Variants in CCNF observed in about 807,000 individuals in gnomAD.
The protein encoded by CCNF is cyclin-F.
Under a neutral mutation model 85.4 loss-of-function variants are expected in CCNF, and 30 were observed. That is an observed-to-expected ratio of 0.35 (90% CI 0.26 to 0.48). CCNF has a LOEUF of 0.48. CCNF is among the 20% of genes least tolerant of loss of function. CCNF has a pLI of 0.99. For missense variants in CCNF, 919 were observed against 1,010.4 expected (o/e 0.91, Z 1.23); for synonymous variants, 439 against 425.1 (o/e 1.03, Z -0.40).
intron 10 of CCNF, among the ~76,000 whole-genome samples, chr16:2,447,198 C>G (rs764448065): frequency 3.3e-5 from 5 of 152,168 alleles, no homozygotes; most frequent in Non-Finnish European, 4.4e-5. Flanking sequence ...CCAATTTCTT[C>G]CCCAACCACA....
chr16:2,455,513 T>C lies in CCNF; in HGVS notation c.1834T>C (p.Cys612Arg). 6.2e-7 allele frequency: 1 copy of C among 1,606,446 alleles called. No individual in the cohort carries two copies. The highest frequency in any genetic ancestry group is 8.5e-7 in the Non-Finnish European group (1 of 1,173,944). ...CTTCCTCGACTGGAGCCTGGACTGC[T>C]GCTCTGGCTATGAAGGCGACCAGGA... is the stretch of plus-strand genomic sequence containing the variant. ...GSFLDWSLDC[C>R]SGYEGDQESE... is the part of the protein sequence containing the mutation. The change falls in exon 16 of 17, where the codon TGC (cysteine) becomes CGC (arginine). Residue 612 changes from cysteine to arginine, a missense_variant. By Grantham distance (180) the Cys-to-Arg change is radical. Around this residue, in one of 3 missense-constraint regions of CCNF, gnomAD observed 505 missense variants for 514.8 expected, o/e 0.98. Coordinates refer to ENST00000397066, the MANE Select transcript of CCNF (RefSeq NM_001761.3).
intron 1 of CCNF, among the ~76,000 whole-genome samples, chr16:2,430,496 G>T (rs1048110811): frequency 2.0e-5 from 3 of 152,110 alleles, no homozygotes; most frequent in Non-Finnish European, 4.4e-5. Flanking sequence ...CAAACCTACA[G>T]GTCTAGGTTT....
In CCNF at chr16:2,456,275, C is replaced by A. The variant is rs2065427102; in HGVS notation, c.1886-270C>A. ...TGCCAGAAGCCCAGTTAGTGTGAGTCCTGTCAGTTTCCCGGTTGCTTGCTT... is the reference window on the plus strand; with the variant it reads ...TGCCAGAAGCCCAGTTAGTGTGAGTACTGTCAGTTTCCCGGTTGCTTGCTT... On this transcript the variant is annotated intron_variant, in intron 16 of 16. Transcript: ENST00000397066. This position sits in a 1 kb window ranked among gnomAD's most constrained non-coding sequence, Gnocchi z 4.5. The A allele has an allele frequency of 4.8e-6, 2 of 418,728 alleles. No individual in the cohort carries two copies. The highest frequency in any genetic ancestry group is 4.1e-5 in the Admixed American group (1 of 24,438). The allele number at this position is 418,728 out of a possible 1,614,324, so 25.9% of individuals were successfully genotyped here.
At chr16:2,437,903 T>TAAA (rs34068510) in intron 5 of CCNF, 167 bp from the exon 6 acceptor site, 830 of 409,750 alleles carry the variant, frequency 2.0e-3, no homozygotes, top group Middle Eastern at 2.8e-3. Context: ...TGTTTCCCTT[T>TAAA]AAAAAAAAAA....
At chr16:2,434,372 T>A (rs1268156600) in intron 3 of CCNF, among the ~76,000 whole-genome samples, 4 of 152,204 alleles carry the variant, frequency 2.6e-5, no homozygotes, top group Non-Finnish European at 5.9e-5. Context: ...CCCAGCACTT[T>A]GGGAGACCAA....
chr16:2,445,288 G>C (rs78671515), intron 9 of CCNF, 170 bp from the exon 10 acceptor site: 1 of 704,102 alleles, frequency 1.4e-6, no homozygotes, highest in African/African-American at 1.8e-5. Context: ...GACCCACGGA[G>C]CCTCCCGGGC....
chr16:2,443,436 A>G (rs184183907), intron 8 of CCNF, among the ~76,000 whole-genome samples: 68 of 152,120 alleles, frequency 4.5e-4, no homozygotes, highest in African/African-American at 1.6e-3. Context: ...CTGACATTTC[A>G]TTATATATCT....
chr16:2,455,356 G>T, intron 15 of CCNF, 39 bp from the exon 16 acceptor site: 1 of 1,534,678 alleles, frequency 6.5e-7, no homozygotes, highest in Non-Finnish European at 8.8e-7. Context: ...CAGCGCCGCC[G>T]TCCATGACTG....
At position 2,449,402 on chromosome 16, in the gene CCNF, T is replaced by G. The variant is rs1197241031; in HGVS notation, c.1339T>G (p.Tyr447Asp). 2 of 1,611,914 alleles carry G rather than the reference T, an allele frequency of 1.2e-6. No individual in the cohort carries two copies. ...CCTGCTGCACACCAGCCTGTCCGCC[T>G]ACGCCCCAGCCCGCCTGGCTGCCGC... is the stretch of plus-strand genomic sequence containing the variant. ...LSLLHTSLSA[Y>D]APARLAAAAL... The change falls in exon 12 of 17, where the codon TAC becomes GAC. Residue 447 changes from tyrosine (Y) to aspartate (D), a missense_variant. Tyr to Asp is a radical substitution (Grantham distance 160, BLOSUM62 -3). Around this residue, in one of 3 missense-constraint regions of CCNF, gnomAD observed 505 missense variants for 514.8 expected, o/e 0.98. Transcript: ENST00000397066.
chr16:2,429,924 C>G (rs1210368757), intron 1 of CCNF, among the ~76,000 whole-genome samples: 2 of 152,280 alleles, frequency 1.3e-5, no homozygotes, highest in East Asian at 1.9e-4. Flanking sequence ...CCAGCGGGGC[C>G]GTGGACCTAG....
chr16:2,432,879 CCT>C, intron 2 of CCNF, 80 bp from the exon 3 acceptor site: 1 of 741,838 alleles, frequency 1.3e-6, no homozygotes. Context: ...CCTACATCTG[CCT>C]CTCGTCCTCA....
intron 3 of CCNF, among the ~76,000 whole-genome samples, chr16:2,435,566 C>A (rs1356429802): frequency 6.6e-6 from 1 of 150,860 alleles, no homozygotes; most frequent in African/African-American, 2.4e-5. Flanking sequence ...GCCTGGGCAA[C>A]AGAGCAAGAC....
Position 2,456,383 on chromosome 16 carries a change from G to C in CCNF, c.1886-162G>C. On this transcript the variant is annotated intron_variant, in intron 16 of 16. Coordinates refer to ENST00000397066, the MANE Select transcript of CCNF (RefSeq NM_001761.3). This position sits in a 1 kb window ranked among gnomAD's most constrained non-coding sequence, Gnocchi z 4.5. ...TCATGGCGGGCAGCTGTCCAACTTG[G>C]AAGAGGCATGTCACCCACGCTTCTC... 1 of 481,446 alleles carries C rather than the reference G, an allele frequency of 2.1e-6. No individual in the cohort carries two copies. The highest frequency in any genetic ancestry group is 3.6e-6 in the Non-Finnish European group (1 of 277,600). 29.8% of individuals were successfully genotyped at this position (481,446 alleles called of 1,614,324 possible).
At chr16:2,433,205 G>A (rs2065271457) in intron 3 of CCNF, 138 bp downstream of exon 3, 1 of 600,694 alleles carries the variant, frequency 1.7e-6, no homozygotes, top group Admixed American at 2.6e-5. Flanking sequence ...CCTGGGGAGT[G>A]ACTGAGGGTG....
rs2065393720 is a variant in CCNF, at chr16:2,451,243, G to A, written c.1487+1328G>A. ...GCAGGCGCGCGGGGCAGGTGGCGCGGGCGGGGGCGACTCCCTTCAGGGAGC... is the reference window on the plus strand; with the variant it reads ...GCAGGCGCGCGGGGCAGGTGGCGCGAGCGGGGGCGACTCCCTTCAGGGAGC... On this transcript the variant is annotated intron_variant, in intron 13 of 16. Transcript: ENST00000397066. This position sits in a 1 kb window ranked among gnomAD's most constrained non-coding sequence, Gnocchi z 4.3. Among the ~76,000 whole-genome samples, 1 of 152,224 alleles carries A rather than the reference G, an allele frequency of 6.6e-6. No homozygotes were observed. Among genetic ancestry groups the A allele is most frequent in the South Asian group, 2.1e-4 (1 of 4,832 alleles).
At position 2,457,650 on chromosome 16, in the gene CCNF, G is replaced by T. The variant is rs755002224; in HGVS notation, c.*630G>T. ...CGTTTTAGAGCTCTGTCCCAGAGGC[G>T]TTCGTATGTGACCCACAGATGGCGT... On this transcript the variant is annotated 3_prime_UTR_variant, in exon 17 of 17. Coordinates refer to ENST00000397066, the MANE Select transcript of CCNF (RefSeq NM_001761.3). The T allele has an allele frequency of 1.3e-5, 2 of 152,276 alleles. No homozygotes were observed. Among genetic ancestry groups the T allele is most frequent in the African/African-American group, 4.8e-5 (2 of 41,446 alleles). 9.4% of individuals were successfully genotyped at this position (152,276 alleles called of 1,614,324 possible).
intron 9 of CCNF, 69 bp from the exon 10 acceptor site, chr16:2,445,389 G>T: frequency 2.6e-6 from 4 of 1,551,772 alleles, no homozygotes; most frequent in South Asian, 1.2e-5. Flanking sequence ...CAACAGGTGG[G>T]GTTGAAATCG....
intron 10 of CCNF, 56 bp downstream of exon 10, chr16:2,445,678 G>A (rs1409531056): frequency 6.5e-7 from 1 of 1,530,324 alleles, no homozygotes; most frequent in African/African-American, 1.4e-5. Context: ...CCCGGGTTCA[G>A]GGTCACCTGC....
chr16:2,449,042 G>GGGGGGGGGGGGGGGGCCCC, intron 11 of CCNF, 64 bp downstream of exon 11: 1 of 683,614 alleles, frequency 1.5e-6, no homozygotes, highest in Non-Finnish European at 2.7e-6. Context: ...GTGGGGGTGG[G>GGGGGGGGGGGGGGGGCCCC]CATTCAGCTT....
Sources: allele counts gnomAD v4.1 joint callset (sites outside exome capture counted in the v4.1 genomes callset), GRCh38; gene constraint gnomAD v4.1.1; regional missense constraint gnomAD v4.1.1; non-coding constraint Gnocchi (gnomAD v3.1); transcripts MANE v1.5; gene names NCBI Gene and HGNC (gene_info 2026-07-23, HGNC 2026-07-21).